The following SIK3 variants were observed in gnomAD, a reference collection of about 807,000 sequenced individuals.
SIK3 encodes serine/threonine-protein kinase SIK3.
In SIK3, 28 loss-of-function variants were observed where a neutral mutation model predicts 144.2. The ratio of observed to expected loss-of-function variants is 0.19; its 90% CI spans 0.14 to 0.27. The LOEUF (loss-of-function observed/expected upper bound fraction) is 0.27. SIK3 is among the 10% of genes least tolerant of loss of function. The probability of loss-of-function intolerance (pLI) is 1.00; values close to 1 mark genes in which losing one functional copy is unlikely to be tolerated. For synonymous variants in SIK3, 686 were observed against 676.3 expected, an observed-to-expected ratio of 1.01 and a Z score of -0.22; for missense variants, 1,319 against 1,776.0, an observed-to-expected ratio of 0.74 and a Z score of 4.62.
At chr11:117,026,735 A>G (rs758690368) in intron 1 of SIK3, among the ~76,000 whole-genome samples, 1 of 152,206 alleles carries the variant, frequency 6.6e-6, no homozygotes, top group East Asian at 1.9e-4. Flanking sequence ...TACGTGGACA[A>G]TGAAGAGAAG....
Position 116,855,083 on chromosome 11 carries a change from C to CAA in SIK3, c.3655+2725_3655+2726dup, listed in dbSNP as rs528405922. On this transcript the variant is annotated intron_variant, in intron 21 of 24. Coordinates refer to ENST00000445177, the MANE Select transcript of SIK3 (RefSeq NM_001366686.3). ...CATGGGTGACAGTGTGAGACTCTGC[C>CAA]AAAAAAAAAAAAAAAAAAAAAAAAA... 2.7e-4 allele frequency among the ~76,000 whole-genome samples: 22 copies of CAA among 82,084 alleles called. 1 individual carries two copies. The highest frequency in any genetic ancestry group is 4.0e-4 in the Admixed American group (3 of 7,420). The allele number at this position is 82,084 out of a possible 152,430, so 53.9% of individuals were successfully genotyped here.
At chr11:116,993,117 C>T (rs7130531) in intron 1 of SIK3, among the ~76,000 whole-genome samples, 24,655 of 152,144 alleles carry the variant, frequency 0.16, 2,124 homozygotes, top group Admixed American at 0.21. Flanking sequence ...AAACTCCTGG[C>T]CTGAGGTGAT....
chr11:116,926,188 A>G (rs1433803772), intron 4 of SIK3, among the ~76,000 whole-genome samples: 1 of 152,218 alleles, frequency 6.6e-6, no homozygotes, highest in Non-Finnish European at 1.5e-5. Flanking sequence ...TTAGTTTTCT[A>G]TATGAGATGT....
intron 3 of SIK3, among the ~76,000 whole-genome samples, chr11:116,938,465 A>G (rs1463326625): frequency 2.8e-4 from 7 of 25,148 alleles, no homozygotes; most frequent in East Asian, 1.8e-3. Flanking sequence ...GGAGGGGAGG[A>G]GAGGAGAGGA....
chr11:116,896,548 G>T (rs1375649270), intron 5 of SIK3, among the ~76,000 whole-genome samples, 172 bp from the exon 6 acceptor site: 4 of 152,134 alleles, frequency 2.6e-5, no homozygotes, highest in African/African-American at 9.7e-5. Flanking sequence ...ATTAATTTAG[G>T]GTAACATCCT....
intron 4 of SIK3, among the ~76,000 whole-genome samples, chr11:116,907,428 C>T (rs1946098565): frequency 6.6e-6 from 1 of 152,244 alleles, no homozygotes; most frequent in Non-Finnish European, 1.5e-5. Flanking sequence ...TGGCGGATCA[C>T]TTGAGGTCAG....
At chr11:116,854,919 C>T (rs772798002) in intron 21 of SIK3, among the ~76,000 whole-genome samples, 2 of 151,548 alleles carry the variant, frequency 1.3e-5, no homozygotes, top group East Asian at 1.9e-4. Flanking sequence ...GGTGAAACCC[C>T]GTCTCTACAA....
chr11:116,941,224 T>C (rs2135273247), intron 3 of SIK3, among the ~76,000 whole-genome samples: 1 of 152,206 alleles, frequency 6.6e-6, no homozygotes, highest in African/African-American at 2.4e-5. Context: ...GCCAGGATGG[T>C]CTCAATCTCC....
At position 116,857,801 on chromosome 11, in the gene SIK3, G is replaced by A. The variant is rs144882902; in HGVS notation, c.3655+9C>T. On this transcript the variant is annotated intron_variant, in intron 21 of 24. Coordinates refer to ENST00000445177, the MANE Select transcript of SIK3 (RefSeq NM_001366686.3). ...TGGCCCAGGACTTCCACTGTGAGGA[G>A]ACACTTACCTCTGCTGGGCACCTTA... is the stretch of plus-strand genomic sequence containing the variant. The A allele has an allele frequency of 3.7e-4, 590 of 1,613,722 alleles. 2 individuals are homozygous for A. Among genetic ancestry groups the A allele is most frequent in the Middle Eastern group, 3.3e-3 (20 of 6,054 alleles).
Position 117,053,396 on chromosome 11 carries a change from C to T in SIK3, c.273+44747G>A, listed in dbSNP as rs1264993994. Among the ~76,000 whole-genome samples, 6 of 151,334 alleles carry T rather than the reference C, an allele frequency of 4.0e-5. No individual in the cohort carries two copies. In the Admixed American group the frequency reaches 4.0e-4, roughly 10 times the overall value. ...ATTATAGGTAAGTATGTAAGAAATG[C>T]TTTGAGAATAATAATAATAGCTATA... On this transcript the variant is annotated intron_variant, in intron 1 of 24. Coordinates refer to ENST00000445177, the MANE Select transcript of SIK3 (RefSeq NM_001366686.3).
At position 116,858,905 on chromosome 11, in the gene SIK3, T is replaced by G. The variant is rs1006894305; in HGVS notation, c.2766-206A>C. Among the ~76,000 whole-genome samples, 6 of 152,144 alleles carry G rather than the reference T, an allele frequency of 3.9e-5. No homozygotes were observed. The highest frequency in any genetic ancestry group is 1.4e-4 in the African/African-American group (6 of 41,418). On this transcript the variant is annotated intron_variant, in intron 20 of 24. Coordinates refer to ENST00000445177, the MANE Select transcript of SIK3 (RefSeq NM_001366686.3). The surrounding 1 kb of genome is among the most constrained non-coding windows in gnomAD (Gnocchi z 5.4). ...GGGACTGAGGGCACTGCGTGGGTAA[T>G]AGATCTAGCTCATTTTGAAGGAAGC...
intron 3 of SIK3, among the ~76,000 whole-genome samples, chr11:116,939,428 G>A (rs900698923): frequency 2.0e-5 from 3 of 152,234 alleles, no homozygotes; most frequent in African/African-American, 7.2e-5. Flanking sequence ...TTACAGGTGT[G>A]AGCCACCAAG....
intron 1 of SIK3, among the ~76,000 whole-genome samples, chr11:116,999,694 G>A (rs1386461399): frequency 1.3e-5 from 2 of 152,038 alleles, no homozygotes; most frequent in African/African-American, 2.4e-5. Context: ...CAAAGTGCTG[G>A]GATTACAGGC....
chr11:116,884,101 A>T (rs1423835662), intron 6 of SIK3, among the ~76,000 whole-genome samples: 1 of 152,204 alleles, frequency 6.6e-6, no homozygotes. Flanking sequence ...CAATGGTGTT[A>T]TAAGGATTGG....
At chr11:117,076,359 A>C (rs1477168771) in intron 1 of SIK3, among the ~76,000 whole-genome samples, 1 of 152,188 alleles carries the variant, frequency 6.6e-6, no homozygotes, top group Non-Finnish European at 1.5e-5. Flanking sequence ...CCAATGATTA[A>C]ATGAGCACAA....
At chr11:116,934,868 T>C (rs768016947) in intron 3 of SIK3, among the ~76,000 whole-genome samples, 29 of 152,028 alleles carry the variant, frequency 1.9e-4, no homozygotes, top group Non-Finnish European at 3.2e-4. Flanking sequence ...TTACCTGAGG[T>C]CAGGAGTTCA....
intron 1 of SIK3, among the ~76,000 whole-genome samples, chr11:117,058,636 C>G (rs1448319234): frequency 6.6e-6 from 1 of 151,856 alleles, no homozygotes; most frequent in Non-Finnish European, 1.5e-5. Flanking sequence ...AGTGTAGAAT[C>G]AGCTGCAATG....
At chr11:117,084,229 G>A (rs757951229) in intron 1 of SIK3, among the ~76,000 whole-genome samples, 1 of 152,054 alleles carries the variant, frequency 6.6e-6, no homozygotes, top group Non-Finnish European at 1.5e-5. Flanking sequence ...ACTCTTATAA[G>A]CTTCTGCTGC....
intron 3 of SIK3, among the ~76,000 whole-genome samples, chr11:116,944,130 A>T (rs1948453961): frequency 2.0e-5 from 3 of 152,164 alleles, no homozygotes; most frequent in Admixed American, 2.0e-4. Flanking sequence ...ATGTAGTTTT[A>T]TCAAAATAAG....
Sources: allele counts gnomAD v4.1 joint callset (sites outside exome capture counted in the v4.1 genomes callset), GRCh38; gene constraint gnomAD v4.1.1; non-coding constraint Gnocchi (gnomAD v3.1); transcripts MANE v1.5; gene names NCBI Gene and HGNC (gene_info 2026-07-23, HGNC 2026-07-21).